BMERB1: variants seen among roughly 807,000 people sequenced by gnomAD.
The protein encoded by BMERB1 is bMERB domain containing 1.
Under a neutral mutation model 23.6 loss-of-function variants are expected in BMERB1, and 12 were observed. The ratio of observed to expected loss-of-function variants is 0.51; its 90% CI spans 0.33 to 0.82. BMERB1 has a LOEUF of 0.82. Among genes scored for constraint, BMERB1 ranks in the 40% least tolerant of loss-of-function variants. The probability of loss-of-function intolerance (pLI) is 0.03; values close to 1 mark genes in which losing one functional copy is unlikely to be tolerated. For missense variants in BMERB1, 247 were observed against 255.4 expected (o/e 0.97, Z 0.22); for synonymous variants, 122 against 96.6 (o/e 1.26, Z -1.54).
At chr16:15,451,105 G>A (rs570779901) in intron 1 of BMERB1, among the ~76,000 whole-genome samples, 2 of 152,154 alleles carry the variant, frequency 1.3e-5, no homozygotes, top group African/African-American at 4.8e-5. Context: ...TGAAATAGAA[G>A]GAAATAGGAA....
chr16:15,486,870 T>C (rs183619873), intron 1 of BMERB1, among the ~76,000 whole-genome samples: 8 of 152,278 alleles, frequency 5.3e-5, no homozygotes, highest in Admixed American at 3.9e-4. Flanking sequence ...CGTTTTGTCA[T>C]CTACAAAATG....
At chr16:15,454,381 CAG>C (rs2051066482) in intron 1 of BMERB1, among the ~76,000 whole-genome samples, 1 of 152,208 alleles carries the variant, frequency 6.6e-6, no homozygotes, top group Admixed American at 6.5e-5. Context: ...TCGAGGAAGA[CAG>C]AGTTGCTTCC....
At chr16:15,522,259 C>T (rs751343326) in intron 2 of BMERB1, among the ~76,000 whole-genome samples, 4 of 152,140 alleles carry the variant, frequency 2.6e-5, no homozygotes, top group Non-Finnish European at 5.9e-5. Context: ...GGTAGGCGTG[C>T]GAAGGACATA....
chr16:15,575,662 G>T (rs1261810596), intron 3 of BMERB1, among the ~76,000 whole-genome samples: 1 of 152,148 alleles, frequency 6.6e-6, no homozygotes, highest in Non-Finnish European at 1.5e-5. Context: ...ACTCCATAGG[G>T]TGGGAGTGTG....
intron 2 of BMERB1, among the ~76,000 whole-genome samples, 180 bp downstream of exon 2, chr16:15,515,608 A>T (rs563218762): frequency 1.3e-5 from 2 of 152,152 alleles, no homozygotes; most frequent in Non-Finnish European, 2.9e-5. Flanking sequence ...CTCCTGTTTT[A>T]AGCAAGACCC....
At chr16:15,500,033 G>T (rs193238907) in intron 1 of BMERB1, among the ~76,000 whole-genome samples, 15 of 152,276 alleles carry the variant, frequency 9.9e-5, no homozygotes, top group East Asian at 1.9e-4. Context: ...TTGAGTGAGG[G>T]GGGTAGAGGG....
In BMERB1 at chr16:15,581,272, C is replaced by A. The variant is rs748132650; in HGVS notation, c.360C>A (p.Ile120=). The change falls in exon 4 of 6, where the codon ATC becomes ATA. Residue 120 remains isoleucine, a synonymous_variant. Coordinates refer to ENST00000300006, the MANE Select transcript of BMERB1 (RefSeq NM_033201.3). ...KQREDELIQK[I]HKLVQKRDFL... is the part of the protein sequence containing the mutation. ...GAGAGGATGAGCTAATCCAGAAGAT[C>A]CACAAACTGGTGCAGAAGAGAGACT... 4 of 1,614,064 alleles carry A rather than the reference C, an allele frequency of 2.5e-6. No homozygotes were observed. The South Asian group carries it at 3.3e-5, about 13-fold the overall frequency.
chr16:15,528,623 C>T lies in BMERB1; in HGVS notation c.230+13195C>T, dbSNP rs138236899. ...TTTTAGTCTCCACCTCCCCACCCCC[C>T]GATACACACACCAGGTCCCCTCCTG... On this transcript the variant is annotated intron_variant, in intron 2 of 5. Coordinates refer to ENST00000300006, the MANE Select transcript of BMERB1 (RefSeq NM_033201.3). 1.6e-3 allele frequency among the ~76,000 whole-genome samples: 236 copies of T among 151,938 alleles called. No homozygotes were observed. The Middle Eastern group carries it at 0.017, about 11-fold the overall frequency.
chr16:15,541,567 AGGTG>A (rs1174387239), intron 2 of BMERB1, among the ~76,000 whole-genome samples: 1 of 148,224 alleles, frequency 6.7e-6, no homozygotes, highest in Non-Finnish European at 1.5e-5. Flanking sequence ...GAGACTACAC[AGGTG>A]GGTGCCAACA....
intron 2 of BMERB1, among the ~76,000 whole-genome samples, chr16:15,541,423 G>GTTTT (rs869249451): frequency 8.7e-5 from 8 of 92,120 alleles, no homozygotes; most frequent in Non-Finnish European, 1.3e-4. Context: ...CCGCCGAATT[G>GTTTT]TTTTTTTTTT....
In BMERB1 at chr16:15,517,834, GTA is replaced by G. The variant is rs558477557; in HGVS notation, c.230+2410_230+2411del. Among the ~76,000 whole-genome samples the G allele has an allele frequency of 3.4e-4, 51 of 148,170 alleles. No individual in the cohort carries two copies. In the East Asian group the frequency reaches 9.6e-3, roughly 28 times the overall value. On this transcript the variant is annotated intron_variant, in intron 2 of 5. Coordinates refer to ENST00000300006, the MANE Select transcript of BMERB1 (RefSeq NM_033201.3). ...CGTATGTGGGTGTCTGGATGTGTGT[GTA>G]TATGTGTATTGTGGATGTGTGTGTG...
intron 1 of BMERB1, among the ~76,000 whole-genome samples, chr16:15,504,243 C>T (rs1010535519): frequency 6.6e-6 from 1 of 152,156 alleles, no homozygotes; most frequent in Non-Finnish European, 1.5e-5. Flanking sequence ...TGCCTGCACA[C>T]GCCAACCCCT....
intron 2 of BMERB1, among the ~76,000 whole-genome samples, chr16:15,552,369 G>A (rs748437719): frequency 1.3e-5 from 2 of 152,040 alleles, no homozygotes; most frequent in Non-Finnish European, 2.9e-5. Context: ...GAACCTGGGA[G>A]GCAGAGGTTG....
intron 1 of BMERB1, among the ~76,000 whole-genome samples, chr16:15,494,784 C>T (rs1051392229): frequency 1.3e-5 from 2 of 151,758 alleles, no homozygotes; most frequent in African/African-American, 4.8e-5. Context: ...ATTACTACCT[C>T]TCCTTATTCC....
Position 15,515,369 on chromosome 16 carries a change from G to A in BMERB1, c.171G>A (p.Met57Ile). ...TGCCAGAGGAGATTGAGCTGGAGAT[G>A]GCAAAAATTCAGCGTCTCCGGGAAG... ...TMMPEEIELE[M>I]AKIQRLREVL... The change falls in exon 2 of 6, where the codon ATG (methionine) becomes ATA (isoleucine). Residue 57 changes from methionine to isoleucine, a missense_variant. Coordinates refer to ENST00000300006, the MANE Select transcript of BMERB1 (RefSeq NM_033201.3). The A allele has an allele frequency of 6.2e-7, 1 of 1,613,972 alleles. No homozygotes were observed. The highest frequency in any genetic ancestry group is 8.5e-7 in the Non-Finnish European group (1 of 1,180,006).
At chr16:15,583,337 A>C in intron 5 of BMERB1, 99 bp downstream of exon 5, 1 of 988,740 alleles carries the variant, frequency 1.0e-6, no homozygotes, top group Non-Finnish European at 1.6e-6. Context: ...CAGCACTATG[A>C]GAGGCCAAGG....
chr16:15,485,195 G>T (rs577075550), intron 1 of BMERB1, among the ~76,000 whole-genome samples: 2 of 152,190 alleles, frequency 1.3e-5, no homozygotes, highest in Non-Finnish European at 2.9e-5. Context: ...AGAGGTGGCG[G>T]TAGAATATTC....
At chr16:15,488,902 CAAA>C (rs769821665) in intron 1 of BMERB1, among the ~76,000 whole-genome samples, 8 of 57,750 alleles carry the variant, frequency 1.4e-4, no homozygotes, top group Non-Finnish European at 1.4e-4. Context: ...ACTGCATATG[CAAA>C]AAAAAAAAAA....
At chr16:15,550,720 T>G (rs2030064990) in intron 2 of BMERB1, among the ~76,000 whole-genome samples, 1 of 152,124 alleles carries the variant, frequency 6.6e-6, no homozygotes, top group Non-Finnish European at 1.5e-5. Flanking sequence ...GCCTGGTATA[T>G]CTGGGTGACA....
Sources: gnomAD v4.1 joint callset for allele counts (sites outside exome capture counted in the v4.1 genomes callset) on GRCh38, gnomAD v4.1.1 for gene constraint, MANE v1.5 for transcripts, NCBI Gene and HGNC (gene_info 2026-07-23, HGNC 2026-07-21) for gene names.